Variants in ANKRD36C observed in about 807,000 individuals in gnomAD.
ANKRD36C encodes ankyrin repeat domain-containing protein 36C.
ANKRD36C carries 61 observed loss-of-function variants against 276.4 expected under a neutral mutation model. The observed-to-expected ratio is 0.22, with a 90% CI of 0.18 to 0.27. ANKRD36C has a LOEUF of 0.27. ANKRD36C is among the 10% of genes least tolerant of loss of function. The pLI, the probability that ANKRD36C is intolerant of heterozygous loss-of-function variation, is 1.00. For synonymous variants in ANKRD36C, 483 were observed against 680.1 expected, an observed-to-expected ratio of 0.71 and a Z score of 4.51; for missense variants, 1,447 against 2,032.3, an observed-to-expected ratio of 0.71 and a Z score of 5.54.
At chr2:95,971,775 A>AT (rs1181101559) in intron 6 of ANKRD36C, among the ~76,000 whole-genome samples, 1 of 152,094 alleles carries the variant, frequency 6.6e-6, no homozygotes, top group African/African-American at 2.4e-5. Context: ...AATGAAACAA[A>AT]TTTTTTTATT....
At chr2:95,918,075 G>A (rs4613327) in intron 34 of ANKRD36C, 33 bp from the exon 37 acceptor site, 448,142 of 1,509,512 alleles carry the variant, frequency 0.3, 78,469 homozygotes, top group East Asian at 0.43. Context: ...AATCACTCAT[G>A]TGTAAATATG....
chr2:95,928,750 G>A (rs868109016), intron 26 of ANKRD36C, among the ~76,000 whole-genome samples: 15 of 150,798 alleles, frequency 9.9e-5, no homozygotes, highest in East Asian at 2.0e-4. Flanking sequence ...ACTTCATCTC[G>A]TTCTCTTTCC....
At chr2:95,937,033 C>T (rs923716792) in intron 22 of ANKRD36C, among the ~76,000 whole-genome samples, 1 of 151,816 alleles carries the variant, frequency 6.6e-6, no homozygotes, top group African/African-American at 2.4e-5. Context: ...AAAGACTCAG[C>T]AAACTATGTT....
At chr2:95,896,029 C>T (rs192942946) in intron 44 of ANKRD36C, among the ~76,000 whole-genome samples, 6,699 of 145,658 alleles carry the variant, frequency 0.046, 265 homozygotes, top group East Asian at 0.16. Context: ...CTTTAACTTG[C>T]CCAATAACTG....
chr2:95,865,717 T>A (rs566263082), intron 60 of ANKRD36C, among the ~76,000 whole-genome samples: 1 of 152,238 alleles, frequency 6.6e-6, no homozygotes, highest in South Asian at 2.1e-4. Context: ...GGATGTAGAA[T>A]TTTTCCACTG....
At chr2:95,967,883 T>G (rs1678624076) in intron 6 of ANKRD36C, among the ~76,000 whole-genome samples, 1 of 151,918 alleles carries the variant, frequency 6.6e-6, no homozygotes, top group African/African-American at 2.4e-5. Flanking sequence ...AAGTCAAAAG[T>G]TTGAGACCAG....
rs183763871 is a variant in ANKRD36C, at chr2:95,880,254, T to C, written c.3469+173A>G. Among the ~76,000 whole-genome samples, 7 of 152,372 alleles carry C rather than the reference T, an allele frequency of 4.6e-5. No individual in the cohort carries two copies. In the East Asian group the frequency reaches 7.7e-4, roughly 17 times the overall value. On this transcript the variant is annotated intron_variant, in intron 58 of 66. Transcript: ENST00000456556. ...TTATGTTTTAAAAATATATTTTCCTTATGCATGTAAATCTCATTTTTGAAA... is the reference window on the plus strand; with the variant it reads ...TTATGTTTTAAAAATATATTTTCCTCATGCATGTAAATCTCATTTTTGAAA...
chr2:95,868,825 A>G (rs1386048922), intron 59 of ANKRD36C, among the ~76,000 whole-genome samples: 1 of 151,462 alleles, frequency 6.6e-6, no homozygotes, highest in Non-Finnish European at 1.5e-5. Context: ...CTCTTCCTCA[A>G]TACAAGCAGT....
At chr2:95,954,583 A>ACACTGCAGCAAACAC (rs1380080336) in intron 13 of ANKRD36C, among the ~76,000 whole-genome samples, 1 of 152,214 alleles carries the variant, frequency 6.6e-6, no homozygotes, top group Non-Finnish European at 1.5e-5. Context: ...AACACTGCAA[A>ACACTGCAGCAAACAC]TGTTTGAAAG....
In ANKRD36C at chr2:95,986,931, G is replaced by C; in HGVS notation, c.313-7C>G. The stretch of plus-strand genomic sequence containing the variant: ...CCTGCCTCAGTTGTACAGCCTGTCA[G>C]TATTAGACCGAGAAACATGCAAATA... On this transcript the variant is annotated splice_region_variant and splice_polypyrimidine_tract_variant and intron_variant, in intron 2 of 66. Coordinates refer to ENST00000456556, the Ensembl canonical transcript of ANKRD36C. 1 of 1,612,882 alleles carries C rather than the reference G, an allele frequency of 6.2e-7. No homozygotes were observed. Among genetic ancestry groups the C allele is most frequent in the Non-Finnish European group, 8.5e-7 (1 of 1,179,660 alleles).
rs1677272031 is a variant in ANKRD36C, at chr2:95,921,641, G to A, written c.2211C>T (p.Ala737=). The change falls in exon 34 of 67, where the codon GCC becomes GCT. Residue 737 remains alanine, a synonymous_variant. Transcript: ENST00000456556. Reference sequence around the variant, plus strand: ...ATTTTTCTCCATCCTTTATTTCTGTGGCTATATTCGAAACAGAATCTTCCT... The same window carrying A: ...ATTTTTCTCCATCCTTTATTTCTGTAGCTATATTCGAAACAGAATCTTCCT... 2.5e-6 allele frequency: 4 copies of A among 1,608,938 alleles called. No homozygotes were observed. In the African/African-American group the frequency reaches 5.4e-5, roughly 22 times the overall value.
chr2:95,878,848 T>C (rs1371697399), intron 58 of ANKRD36C, among the ~76,000 whole-genome samples: 2 of 152,104 alleles, frequency 1.3e-5, no homozygotes, highest in Admixed American at 6.5e-5. Flanking sequence ...AGAACCCTCG[T>C]ACACCATTGG....
rs546255285 is a variant in ANKRD36C, at chr2:95,967,663, G to A, written c.800-5116C>T. 1.7e-3 allele frequency among the ~76,000 whole-genome samples: 262 copies of A among 151,252 alleles called. 5 individuals carry two copies. The East Asian group carries it at 0.018, about 11-fold the overall frequency. On this transcript the variant is annotated intron_variant, in intron 6 of 66. Transcript: ENST00000456556. Reference sequence around the variant, plus strand: ...GCATATACTCGGTGTGTGTGTGTGTGTATATATATATATGTACAGTGGCTC... The same window carrying A: ...GCATATACTCGGTGTGTGTGTGTGTATATATATATATATGTACAGTGGCTC...
chr2:95,860,355 T>C (rs1675544373), intron 60 of ANKRD36C, among the ~76,000 whole-genome samples: 1 of 150,272 alleles, frequency 6.7e-6, no homozygotes. Context: ...TGTGATTGCA[T>C]AAGATAATTT....
chr2:95,927,100 C>T (rs771462259), intron 28 of ANKRD36C, 114 bp downstream of exon 28: 59 of 1,445,152 alleles, frequency 4.1e-5, no homozygotes, highest in Non-Finnish European at 5.4e-5. Flanking sequence ...GAATCTCAGG[C>T]CTGCTGAATC....
At chr2:95,941,861 A>T (rs79730611) in intron 19 of ANKRD36C, among the ~76,000 whole-genome samples, 432 of 152,214 alleles carry the variant, frequency 2.8e-3, no homozygotes, top group African/African-American at 6.1e-3. Flanking sequence ...AGTATAGGGC[A>T]GACAGTGTAT....
Position 95,897,364 on chromosome 2 carries a change from ATAATAAAT to A in ANKRD36C, c.2755+1773_2755+1780del, listed in dbSNP as rs1264317395. The A allele has an allele frequency of 1.3e-6, 2 of 1,556,616 alleles. 1 individual carries two copies. The highest frequency in any genetic ancestry group is 1.7e-6 in the Non-Finnish European group (2 of 1,147,328). ...TAGCCTGAATGGAATTTGAAATGAAATAATAAATTAATAAAGTATGTTTCATAGACTAT... is the reference window on the plus strand; with the variant it reads ...TAGCCTGAATGGAATTTGAAATGAAATAATAAAGTATGTTTCATAGACTAT... On this transcript the variant is annotated intron_variant, in intron 44 of 66. Coordinates refer to ENST00000456556, the Ensembl canonical transcript of ANKRD36C.
chr2:95,903,029 C>A, intron 42 of ANKRD36C, 24 bp downstream of exon 53: 2 of 1,570,242 alleles, frequency 1.3e-6, no homozygotes, highest in Non-Finnish European at 1.7e-6. Flanking sequence ...TACTAGTTCA[C>A]AATATAAATG....
At chr2:95,934,553 A>G (rs1303911214) in intron 24 of ANKRD36C, among the ~76,000 whole-genome samples, 1 of 152,164 alleles carries the variant, frequency 6.6e-6, no homozygotes, top group Non-Finnish European at 1.5e-5. Context: ...GAGTTGAACA[A>G]TAAGAACACA....
Sources: gnomAD v4.1 joint callset for allele counts (sites outside exome capture counted in the v4.1 genomes callset) on GRCh38, gnomAD v4.1.1 for gene constraint, MANE v1.5 for transcripts, NCBI Gene and HGNC (gene_info 2026-07-23, HGNC 2026-07-21) for gene names.